ARFGEF2: variants seen among roughly 807,000 people sequenced by gnomAD.
ARFGEF2 encodes the protein brefeldin A-inhibited guanine nucleotide-exchange protein 2.
Under a neutral mutation model 219.9 loss-of-function variants are expected in ARFGEF2, and 74 were observed. That is an observed-to-expected ratio of 0.34 (90% CI 0.28 to 0.41). The LOEUF (loss-of-function observed/expected upper bound fraction) is 0.41. Ranked by LOEUF, ARFGEF2 falls within the 10% of genes least tolerant of loss-of-function variation. ARFGEF2 has a pLI of 1.00. For missense variants in ARFGEF2, 1,743 were observed against 2,218.3 expected, an observed-to-expected ratio of 0.79 and a Z score of 4.30; for synonymous variants, 733 against 799.2, an observed-to-expected ratio of 0.92 and a Z score of 1.40.
At chr20:49,006,580 G>A (rs954427349) in intron 26 of ARFGEF2, among the ~76,000 whole-genome samples, 2 of 152,218 alleles carry the variant, frequency 1.3e-5, no homozygotes, top group Non-Finnish European at 2.9e-5. Context: ...CAGCTAACAT[G>A]TGTTTGGTAA....
intron 5 of ARFGEF2, 107 bp downstream of exon 5, chr20:48,952,991 C>G (rs1568700845): frequency 1.7e-6 from 2 of 1,179,778 alleles, no homozygotes; most frequent in East Asian, 2.4e-5. Flanking sequence ...TAAAGCTACC[C>G]CTTCTTCCTG....
In ARFGEF2 at chr20:49,028,607, C is replaced by A. The variant is rs1347126723; in HGVS notation, c.5002C>A (p.Arg1668=). The stretch of plus-strand genomic sequence containing the variant: ...GGCCTGTTGTTTGAGGATCCTGTTT[C>A]GAATGTATGTTGATGAGAACCGCAG... ...SLACCLRILF[R]MYVDENRRDS... is the part of the protein sequence containing the mutation. Residue 1668 remains arginine (R), a synonymous_variant, in exon 37 of 39, where the codon CGA becomes AGA. Coordinates refer to ENST00000371917, the MANE Select transcript of ARFGEF2 (RefSeq NM_006420.3). 1.4e-5 allele frequency: 22 copies of A among 1,613,958 alleles called. No homozygotes were observed. The highest frequency in any genetic ancestry group is 1.7e-5 in the Non-Finnish European group (20 of 1,180,002).
intron 1 of ARFGEF2, among the ~76,000 whole-genome samples, chr20:48,935,275 A>G (rs1346792043): frequency 3.9e-5 from 6 of 151,994 alleles, no homozygotes; most frequent in African/African-American, 1.5e-4. Context: ...GGTACTTGAG[A>G]TTAGGGAGTG....
chr20:48,946,945 G>A (rs903508854), intron 3 of ARFGEF2, among the ~76,000 whole-genome samples: 16 of 152,038 alleles, frequency 1.1e-4, no homozygotes, highest in African/African-American at 3.9e-4. Context: ...GGGACTACAG[G>A]TGTGTGCCGC....
intron 37 of ARFGEF2, among the ~76,000 whole-genome samples, chr20:49,030,197 G>A (rs924121032): frequency 1.3e-5 from 2 of 152,040 alleles, no homozygotes; most frequent in Admixed American, 1.3e-4. Context: ...GAGCCACTGC[G>A]CCCGGCCTAA....
chr20:48,974,894 A>T lies in ARFGEF2; in HGVS notation c.1774+20A>T. 6.4e-7 allele frequency: 1 copy of T among 1,571,530 alleles called. No homozygotes were observed. The highest frequency in any genetic ancestry group is 8.8e-7 in the Non-Finnish European group (1 of 1,142,722). ...GCCTCGGTGAGACAGCATTGCTGCC[A>T]CACCCACCTCCATTCATAATAGGCT... On this transcript the variant is annotated intron_variant, in intron 13 of 38. Coordinates refer to ENST00000371917, the MANE Select transcript of ARFGEF2 (RefSeq NM_006420.3).
rs765105856 is a variant in ARFGEF2, at chr20:48,998,552, G to A, written c.3432+47G>A. 3.2e-5 allele frequency: 43 copies of A among 1,328,758 alleles called. No individual in the cohort carries two copies. In the East Asian group the frequency reaches 4.5e-4, roughly 14 times the overall value. The allele number at this position is 1,328,758 out of a possible 1,614,324, so 82.3% of individuals were successfully genotyped here. A position where few individuals can be genotyped will look rare whatever the true frequency, so the allele number is the denominator to read the frequency against. On this transcript the variant is annotated intron_variant, in intron 25 of 38. Transcript: ENST00000371917. ...CCATTCCTGTTAAAAAAAAAAAAAA[G>A]TAGACAACTGAATTCAAAAAAAGAA...
At chr20:48,957,986 T>C (rs1357634854) in intron 6 of ARFGEF2, among the ~76,000 whole-genome samples, 1 of 152,182 alleles carries the variant, frequency 6.6e-6, no homozygotes, top group African/African-American at 2.4e-5. Flanking sequence ...AGGAGATCCA[T>C]GCTGATGTGA....
intron 9 of ARFGEF2, 51 bp downstream of exon 9, chr20:48,969,328 C>G (rs533515981): frequency 6.2e-7 from 1 of 1,613,540 alleles, no homozygotes; most frequent in South Asian, 1.1e-5. Context: ...TCCAGCAGCA[C>G]ATGGTACTGT....
intron 14 of ARFGEF2, among the ~76,000 whole-genome samples, chr20:48,980,160 C>T (rs2091286263): frequency 6.6e-6 from 1 of 152,046 alleles, no homozygotes; most frequent in South Asian, 2.1e-4. Context: ...TAAATGTGTC[C>T]CAGAGACTCT....
chr20:49,022,519 G>T (rs1376067346), intron 34 of ARFGEF2, among the ~76,000 whole-genome samples: 1 of 152,190 alleles, frequency 6.6e-6, no homozygotes, highest in Non-Finnish European at 1.5e-5. Context: ...GCACAGTCCA[G>T]TGGTGGTCTT....
At chr20:48,936,040 T>G (rs1457100671) in intron 1 of ARFGEF2, among the ~76,000 whole-genome samples, 1 of 131,176 alleles carries the variant, frequency 7.6e-6, no homozygotes, top group Non-Finnish European at 1.6e-5. Flanking sequence ...GAGGCGCCCC[T>G]CACTTCCCGC....
At chr20:49,009,576 G>T (rs1284135614) in intron 26 of ARFGEF2, among the ~76,000 whole-genome samples, 2 of 152,140 alleles carry the variant, frequency 1.3e-5, no homozygotes, top group Admixed American at 6.6e-5. Context: ...AGATAATAAG[G>T]TTCCTCCATA....
At chr20:49,019,103 G>A in intron 34 of ARFGEF2, 105 bp downstream of exon 34, 2 of 920,472 alleles carry the variant, frequency 2.2e-6, no homozygotes, top group South Asian at 2.9e-5. Context: ...TCTGCCCTGT[G>A]CCTCAGTCTG....
intron 38 of ARFGEF2, among the ~76,000 whole-genome samples, 157 bp downstream of exon 38, chr20:49,032,323 T>C (rs537144070): frequency 5.9e-5 from 9 of 152,310 alleles, no homozygotes; most frequent in East Asian, 1.9e-4. Flanking sequence ...TAATCCGTTA[T>C]GGACAATGGG....
chr20:48,975,962 T>C, intron 13 of ARFGEF2, 54 bp from the exon 14 acceptor site: 1 of 1,598,440 alleles, frequency 6.3e-7, no homozygotes, highest in African/African-American at 1.3e-5. Flanking sequence ...CTAGCTCGGC[T>C]GTGTCTGTGT....
At chr20:48,942,180 A>G (rs1034283291) in intron 3 of ARFGEF2, among the ~76,000 whole-genome samples, 193 bp downstream of exon 3, 1 of 152,190 alleles carries the variant, frequency 6.6e-6, no homozygotes, top group Non-Finnish European at 1.5e-5. Flanking sequence ...CTTTAGCTTA[A>G]AACCAGAAAT....
At chr20:48,972,835 T>C (rs935047021) in intron 11 of ARFGEF2, among the ~76,000 whole-genome samples, 7 of 152,214 alleles carry the variant, frequency 4.6e-5, no homozygotes, top group Non-Finnish European at 1.0e-4. Context: ...TGGCATCAAA[T>C]GTAATTTTGT....
intron 3 of ARFGEF2, among the ~76,000 whole-genome samples, chr20:48,949,418 C>CCCTGCCCTCCTAGGAAGCCTGCA (rs1216992082): frequency 6.6e-6 from 1 of 152,044 alleles, no homozygotes; most frequent in African/African-American, 2.4e-5. Flanking sequence ...AGGTAGACAG[C>CCCTGCCCTCCTAGGAAGCCTGCA]CCTGCCCTCC....
Sources: gnomAD v4.1 joint callset for allele counts (sites outside exome capture counted in the v4.1 genomes callset) on GRCh38, gnomAD v4.1.1 for gene constraint, MANE v1.5 for transcripts, NCBI Gene and HGNC (gene_info 2026-07-23, HGNC 2026-07-21) for gene names.